Variants in LMNTD1 observed in about 807,000 individuals in gnomAD.
The protein encoded by LMNTD1 is lamin tail domain-containing protein 1.
A neutral mutation model predicts 50.9 loss-of-function variants in LMNTD1; 35 were observed. The ratio of observed to expected loss-of-function variants is 0.69; its 90% CI spans 0.53 to 0.91. The LOEUF is 0.91. Among genes scored for constraint, LMNTD1 ranks in the 40% least tolerant of loss-of-function variants. LMNTD1 has a pLI of 0.00. For missense variants in LMNTD1, 470 were observed against 475.5 expected, an observed-to-expected ratio of 0.99 and a Z score of 0.11; for synonymous variants, 153 against 161.9, an observed-to-expected ratio of 0.94 and a Z score of 0.42.
At chr12:25,591,863 A>G (rs1323838536) in intron 1 of LMNTD1, among the ~76,000 whole-genome samples, 2 of 82,060 alleles carry the variant, frequency 2.4e-5, no homozygotes, top group Admixed American at 1.1e-4. Flanking sequence ...GAGAGACTCT[A>G]TTTATTTGGG....
At chr12:25,605,397 T>G (rs1422491127) in intron 1 of LMNTD1, among the ~76,000 whole-genome samples, 6 of 152,288 alleles carry the variant, frequency 3.9e-5, no homozygotes, top group Non-Finnish European at 8.8e-5. Context: ...TTTCGGTGTT[T>G]TAAACATGAA....
At chr12:25,587,101 C>T (rs1945553322) in intron 1 of LMNTD1, among the ~76,000 whole-genome samples, 1 of 152,188 alleles carries the variant, frequency 6.6e-6, no homozygotes, top group Admixed American at 6.6e-5. Context: ...ATGGCTCCTT[C>T]TTCTGTGATG....
At chr12:25,622,132 A>C (rs1946483841) in intron 1 of LMNTD1, among the ~76,000 whole-genome samples, 1 of 152,238 alleles carries the variant, frequency 6.6e-6, no homozygotes, top group Non-Finnish European at 1.5e-5. Context: ...GGGCATTAGA[A>C]GGGGGCATCC....
At chr12:25,518,287 T>C (rs563939915) in intron 8 of LMNTD1, among the ~76,000 whole-genome samples, 1 of 152,206 alleles carries the variant, frequency 6.6e-6, no homozygotes, top group Non-Finnish European at 1.5e-5. Context: ...GTGAAAAATG[T>C]AGCAAGTGCA....
intron 2 of LMNTD1, among the ~76,000 whole-genome samples, chr12:25,550,165 C>T (rs1425876914): frequency 6.6e-6 from 1 of 151,798 alleles, no homozygotes; most frequent in Non-Finnish European, 1.5e-5. Context: ...AGATCATTTT[C>T]GTGTACTATT....
intron 1 of LMNTD1, among the ~76,000 whole-genome samples, chr12:25,597,261 C>T (rs949763995): frequency 6.6e-6 from 1 of 151,862 alleles, no homozygotes; most frequent in African/African-American, 2.4e-5. Context: ...GGCTGAAACA[C>T]ACTTCATGTA....
chr12:25,553,118 A>C lies in LMNTD1; in HGVS notation c.-80T>G. ...ATCAGCTAGGTTTAATAATTTCTTT[A>C]CCAAACTAGTACCAGAACCACAATT... On this transcript the variant is annotated 5_prime_UTR_variant, in exon 1 of 10. The change abolishes the stop of an existing upstream ORF in the 5' untranslated region. Coordinates refer to ENST00000458174, the MANE Select transcript of LMNTD1 (RefSeq NM_001145728.2). The C allele has an allele frequency of 1.2e-6, 2 of 1,612,788 alleles. No homozygotes were observed. Among genetic ancestry groups the C allele is most frequent in the Non-Finnish European group, 1.7e-6 (2 of 1,179,914 alleles).
At chr12:25,536,685 A>AG (rs1326828302) in intron 4 of LMNTD1, among the ~76,000 whole-genome samples, 1 of 146,158 alleles carries the variant, frequency 6.8e-6, no homozygotes, top group Admixed American at 6.9e-5. Flanking sequence ...AAATTAGGGG[A>AG]GAAAAAAAAA....
intron 6 of LMNTD1, among the ~76,000 whole-genome samples, chr12:25,523,771 A>G (rs1941510335): frequency 6.7e-6 from 1 of 149,582 alleles, no homozygotes; most frequent in Non-Finnish European, 1.5e-5. Context: ...AATAATGCAT[A>G]TGGCTTTACC....
At chr12:25,539,403 A>G (rs1942878472) in intron 4 of LMNTD1, among the ~76,000 whole-genome samples, 1 of 151,962 alleles carries the variant, frequency 6.6e-6, no homozygotes, top group Non-Finnish European at 1.5e-5. Context: ...TCAAACTAGA[A>G]CTCAGGATTA....
chr12:25,482,866 G>A (rs1938488109), intron 9 of LMNTD1, among the ~76,000 whole-genome samples: 1 of 151,902 alleles, frequency 6.6e-6, no homozygotes, highest in Non-Finnish European at 1.5e-5. Flanking sequence ...CAGAAAGTCT[G>A]TGTTCACGGA....
At chr12:25,592,052 T>A (rs965995042) in intron 1 of LMNTD1, among the ~76,000 whole-genome samples, 7 of 152,126 alleles carry the variant, frequency 4.6e-5, no homozygotes, top group African/African-American at 1.4e-4. Flanking sequence ...CTCTTGAATA[T>A]CTAGAAAGCC....
At chr12:25,636,551 A>C (rs1225499063) in intron 1 of LMNTD1, among the ~76,000 whole-genome samples, 1 of 152,232 alleles carries the variant, frequency 6.6e-6, no homozygotes, top group Non-Finnish European at 1.5e-5. Context: ...AAACTAGTAC[A>C]ACCACTGTGG....
At chr12:25,527,640 CTATATATATATATATA>C (rs61347000) in intron 4 of LMNTD1, among the ~76,000 whole-genome samples, 10 of 61,698 alleles carry the variant, frequency 1.6e-4, no homozygotes, top group East Asian at 5.5e-4. Flanking sequence ...CTTAATAACA[CTATATATATATATATA>C]TATATATATA....
At chr12:25,523,097 A>G (rs1048397668) in intron 6 of LMNTD1, among the ~76,000 whole-genome samples, 25 of 151,850 alleles carry the variant, frequency 1.6e-4, no homozygotes, top group Admixed American at 5.2e-4. Context: ...GCAGTGGTGC[A>G]ATCTTGGCTC....
intron 8 of LMNTD1, among the ~76,000 whole-genome samples, chr12:25,512,483 G>A (rs1940381296): frequency 6.6e-6 from 1 of 152,124 alleles, no homozygotes; most frequent in African/African-American, 2.4e-5. Context: ...GGGGAAGTGG[G>A]TAGAGAAGTG....
chr12:25,615,919 T>C (rs1013263844), intron 1 of LMNTD1, among the ~76,000 whole-genome samples: 3 of 152,212 alleles, frequency 2.0e-5, no homozygotes, highest in Admixed American at 6.5e-5. Context: ...TAAAGTTATA[T>C]GTGGAAGATC....
intron 1 of LMNTD1, among the ~76,000 whole-genome samples, chr12:25,583,619 C>T (rs554721326): frequency 1.3e-5 from 2 of 152,146 alleles, no homozygotes; most frequent in East Asian, 3.9e-4. Context: ...ATATTTTGTC[C>T]TTGTAATCTT....
chr12:25,628,063 G>A (rs903160618), intron 1 of LMNTD1, among the ~76,000 whole-genome samples: 5 of 119,352 alleles, frequency 4.2e-5, no homozygotes, highest in African/African-American at 1.3e-4. Context: ...AGTCGAGATC[G>A]CGCCACTGCA....
Sources: allele counts gnomAD v4.1 joint callset (sites outside exome capture counted in the v4.1 genomes callset), GRCh38; gene constraint gnomAD v4.1.1; transcripts MANE v1.5; gene names NCBI Gene and HGNC (gene_info 2026-07-23, HGNC 2026-07-21).